The following TYW1 variants were observed in gnomAD, a reference collection of about 807,000 sequenced individuals.
The protein encoded by TYW1 is S-adenosyl-L-methionine-dependent tRNA 4-demethylwyosine synthase TYW1.
A neutral mutation model predicts 96.2 loss-of-function variants in TYW1; 46 were observed. The observed-to-expected ratio is 0.48, with a 90% CI of 0.38 to 0.61. The LOEUF is 0.61. TYW1 is among the 20% of genes least tolerant of loss of function. The pLI, the probability that TYW1 is intolerant of heterozygous loss-of-function variation, is 0.00. For missense variants in TYW1, 684 were observed against 909.6 expected (o/e 0.75, Z 3.19); for synonymous variants, 274 against 323.0 (o/e 0.85, Z 1.63).
intron 15 of TYW1, among the ~76,000 whole-genome samples, chr7:67,216,858 T>C (rs926222413): frequency 6.6e-6 from 1 of 151,848 alleles, no homozygotes; most frequent in Non-Finnish European, 1.5e-5. Context: ...TAGTATTTTT[T>C]AATCTGTCAT....
At chr7:67,004,495 A>G (rs1230115797) in intron 3 of TYW1, among the ~76,000 whole-genome samples, 1 of 152,146 alleles carries the variant, frequency 6.6e-6, no homozygotes, top group Non-Finnish European at 1.5e-5. Context: ...CTCTGCCAGG[A>G]GTAGAAGCAG....
chr7:67,009,720 A>C lies in TYW1; in HGVS notation c.375+36A>C, dbSNP rs1451995989. On this transcript the variant is annotated intron_variant, in intron 4 of 15. Transcript: ENST00000359626. ...GTCTTTTTCTTCAGTCAAAACTCTC[A>C]AATTTAACTGATCTGCAATCTTCAC... 2.6e-6 allele frequency: 4 copies of C among 1,521,942 alleles called. No individual in the cohort carries two copies. In the Admixed American group the frequency reaches 8.3e-5, roughly 32 times the overall value. 94.3% of individuals were successfully genotyped at this position (1,521,942 alleles called of 1,614,324 possible). A position where few individuals can be genotyped will look rare whatever the true frequency, so the allele number is the denominator to read the frequency against.
chr7:67,060,430 T>G (rs1795661759), intron 9 of TYW1, among the ~76,000 whole-genome samples: 2 of 152,216 alleles, frequency 1.3e-5, no homozygotes, highest in Admixed American at 1.3e-4. Context: ...ACAATGTCAG[T>G]TTGCATAATG....
At chr7:67,147,101 CAG>C (rs1798631985) in intron 13 of TYW1, among the ~76,000 whole-genome samples, 2 of 152,174 alleles carry the variant, frequency 1.3e-5, no homozygotes, top group African/African-American at 4.8e-5. Flanking sequence ...TTTAGCAGAG[CAG>C]AGTCAGCCCT....
At chr7:67,192,349 C>A (rs1273640034) in intron 14 of TYW1, among the ~76,000 whole-genome samples, 2 of 152,174 alleles carry the variant, frequency 1.3e-5, no homozygotes. Context: ...CTCAGTGCTT[C>A]ATGGCTATTT....
intron 15 of TYW1, among the ~76,000 whole-genome samples, chr7:67,220,961 A>T (rs2116418443): frequency 6.6e-6 from 1 of 151,132 alleles, no homozygotes; most frequent in East Asian, 2.0e-4. Context: ...TCGGGACCTC[A>T]GGTGATCCAC....
chr7:67,217,328 T>C (rs1262249417), intron 15 of TYW1, among the ~76,000 whole-genome samples: 1 of 152,214 alleles, frequency 6.6e-6, no homozygotes, highest in African/African-American at 2.4e-5. Flanking sequence ...ACGAAATCAC[T>C]GCTATATTCA....
intron 13 of TYW1, among the ~76,000 whole-genome samples, chr7:67,178,987 G>T (rs1799758944): frequency 7.2e-6 from 1 of 139,378 alleles, no homozygotes; most frequent in Non-Finnish European, 1.6e-5. Context: ...AGCTTGGGAG[G>T]ATTTTTGGCT....
At chr7:67,041,356 T>C (rs1795013445) in intron 7 of TYW1, among the ~76,000 whole-genome samples, 1 of 152,034 alleles carries the variant, frequency 6.6e-6, no homozygotes, top group Admixed American at 6.6e-5. Context: ...CAGGCTGGAG[T>C]GCAGTGGCAC....
intron 4 of TYW1, 117 bp from the exon 5 acceptor site, chr7:67,014,250 T>C (rs1360887073): frequency 3.7e-6 from 5 of 1,368,618 alleles, no homozygotes; most frequent in African/African-American, 1.5e-5. Context: ...AGATGAACCA[T>C]GTTTATGAAG....
rs776221914 is a variant in TYW1 at position 67,018,955 on chromosome 7, CAA to C, written c.861+829_861+830del. ...CGGGCGACAGAGTGAGACTCAGTCT[CAA>C]AAAAAAAAAAAAAAAAGAAAAAAAC... On this transcript the variant is annotated intron_variant, in intron 6 of 15. Coordinates refer to ENST00000359626, the MANE Select transcript of TYW1 (RefSeq NM_018264.4). Among the ~76,000 whole-genome samples, 68 of 49,076 alleles carry C rather than the reference CAA, an allele frequency of 1.4e-3. 2 individuals are homozygous for C. In the South Asian group the frequency reaches 0.029, roughly 21 times the overall value. The allele number at this position is 49,076 out of a possible 152,430, so 32.2% of individuals were successfully genotyped here.
At chr7:67,139,200 C>T (rs556339812) in intron 13 of TYW1, among the ~76,000 whole-genome samples, 62 of 152,214 alleles carry the variant, frequency 4.1e-4, no homozygotes, top group South Asian at 1.0e-3. Flanking sequence ...TACAGGTGCA[C>T]GCCGCCACAC....
chr7:67,230,432 TA>T (rs1307255996), intron 15 of TYW1, among the ~76,000 whole-genome samples: 1 of 150,664 alleles, frequency 6.6e-6, no homozygotes, highest in East Asian at 1.9e-4. Context: ...CATGGACAGT[TA>T]AAAAGTCCAA....
At chr7:67,091,510 A>G (rs1373132889) in intron 11 of TYW1, among the ~76,000 whole-genome samples, 1 of 152,190 alleles carries the variant, frequency 6.6e-6, no homozygotes, top group African/African-American at 2.4e-5. Context: ...ACATGTTTAC[A>G]TATGTAACAA....
At chr7:67,099,416 G>A (rs1037919352) in intron 12 of TYW1, among the ~76,000 whole-genome samples, 2 of 152,172 alleles carry the variant, frequency 1.3e-5, no homozygotes, top group Admixed American at 6.5e-5. Flanking sequence ...TGAGAAAGAC[G>A]TGGAGTTGGG....
At chr7:67,193,578 G>A (rs1046685929) in intron 14 of TYW1, among the ~76,000 whole-genome samples, 1 of 152,230 alleles carries the variant, frequency 6.6e-6, no homozygotes, top group Non-Finnish European at 1.5e-5. Flanking sequence ...GGCCAACATG[G>A]CGAAACTCCA....
intron 9 of TYW1, among the ~76,000 whole-genome samples, chr7:67,056,681 C>G (rs1795528751): frequency 6.6e-6 from 1 of 151,996 alleles, no homozygotes; most frequent in Non-Finnish European, 1.5e-5. Flanking sequence ...TTTTAAAGAT[C>G]TGTAAATAGA....
At chr7:67,071,130 C>CAA (rs558946326) in intron 10 of TYW1, among the ~76,000 whole-genome samples, 40 of 143,360 alleles carry the variant, frequency 2.8e-4, no homozygotes, top group Middle Eastern at 3.5e-3. Context: ...GACTCCGTCT[C>CAA]AAAAAAAAAA....
intron 12 of TYW1, among the ~76,000 whole-genome samples, chr7:67,108,439 TTTTC>T (rs1295106837): frequency 6.6e-5 from 9 of 136,090 alleles, no homozygotes; most frequent in Non-Finnish European, 1.4e-4. Context: ...AATACAGATT[TTTTC>T]TTTTTTTTTT....
Sources: allele counts gnomAD v4.1 joint callset (sites outside exome capture counted in the v4.1 genomes callset), GRCh38; gene constraint gnomAD v4.1.1; transcripts MANE v1.5; gene names NCBI Gene and HGNC (gene_info 2026-07-23, HGNC 2026-07-21).